Variants in INPP4B observed in about 807,000 individuals in gnomAD.
The protein encoded by INPP4B is inositol polyphosphate 4-phosphatase type II.
Under a neutral mutation model 122.5 loss-of-function variants are expected in INPP4B, and 55 were observed. That is an observed-to-expected ratio of 0.45 (90% CI 0.36 to 0.56). The LOEUF is 0.56. Among genes scored for constraint, INPP4B ranks in the 20% least tolerant of loss-of-function variants. The pLI, the probability that INPP4B is intolerant of heterozygous loss-of-function variation, is 0.00. For synonymous variants in INPP4B, 403 were observed against 388.7 expected (o/e 1.04, Z -0.43); for missense variants, 1,000 against 1,097.7 (o/e 0.91, Z 1.26).
At chr4:142,084,734 A>G (rs1578846772) in intron 24 of INPP4B, among the ~76,000 whole-genome samples, 1 of 152,308 alleles carries the variant, frequency 6.6e-6, no homozygotes, top group East Asian at 1.9e-4. Context: ...ATTTATAGGA[A>G]AACTTTTTCA....
intron 25 of INPP4B, among the ~76,000 whole-genome samples, chr4:142,048,329 C>A (rs1002583962): frequency 6.6e-6 from 1 of 152,092 alleles, no homozygotes; most frequent in Non-Finnish European, 1.5e-5. Flanking sequence ...CAGCTCAACA[C>A]TCAGCATAAT....
chr4:142,530,574 TATATACAC>T (rs1827480169), intron 2 of INPP4B, among the ~76,000 whole-genome samples: 1 of 138,344 alleles, frequency 7.2e-6, no homozygotes. Context: ...TATATATATA[TATATACAC>T]ACACACACAG....
intron 2 of INPP4B, among the ~76,000 whole-genome samples, chr4:142,702,696 C>G (rs1436319929): frequency 7.6e-6 from 1 of 131,162 alleles, no homozygotes; most frequent in Non-Finnish European, 1.5e-5. Flanking sequence ...CGCCATTGCA[C>G]TCCAGCCTGA....
chr4:142,509,727 G>A (rs1824475260), intron 2 of INPP4B, among the ~76,000 whole-genome samples: 1 of 152,196 alleles, frequency 6.6e-6, no homozygotes, highest in Non-Finnish European at 1.5e-5. Context: ...AGACTTAAAT[G>A]TAAGGCCTAA....
chr4:142,548,418 A>G (rs1290968417), intron 2 of INPP4B, among the ~76,000 whole-genome samples: 3 of 152,220 alleles, frequency 2.0e-5, no homozygotes, highest in Admixed American at 6.6e-5. Flanking sequence ...TCTGAAATAC[A>G]AATGAAAAGA....
chr4:142,292,154 A>G (rs1190889216), intron 9 of INPP4B, among the ~76,000 whole-genome samples: 1 of 152,248 alleles, frequency 6.6e-6, no homozygotes, highest in Non-Finnish European at 1.5e-5. Flanking sequence ...CTATTAAAGT[A>G]TAGGAGATCC....
At chr4:142,097,837 T>A (rs1339316375) in intron 23 of INPP4B, among the ~76,000 whole-genome samples, 2 of 152,166 alleles carry the variant, frequency 1.3e-5, no homozygotes, top group East Asian at 3.9e-4. Context: ...AGCTTTCTGC[T>A]GTTTGACTCT....
intron 7 of INPP4B, chr4:142,384,251 A>C: frequency 1.6e-6 from 1 of 634,654 alleles, no homozygotes; most frequent in Non-Finnish European, 2.8e-6. Flanking sequence ...TTAGTTAGTA[A>C]CAACTTCACT....
chr4:142,429,234 C>T lies in INPP4B; in HGVS notation c.92-17G>A. ...TCTGGATACCTATAAATAATAGGAG[C>T]AAATTCAGATTTTTAAAAAATTGAA... On this transcript the variant is annotated splice_polypyrimidine_tract_variant and intron_variant, in intron 4 of 25. Transcript: ENST00000262992. The T allele has an allele frequency of 6.8e-7, 1 of 1,468,910 alleles. No homozygotes were observed. The highest frequency in any genetic ancestry group is 9.4e-7 in the Non-Finnish European group (1 of 1,062,192). The allele number at this position is 1,468,910 out of a possible 1,614,324, so 91.0% of individuals were successfully genotyped here. A position where few individuals can be genotyped will look rare whatever the true frequency, so the allele number is the denominator to read the frequency against.
chr4:142,734,568 T>A (rs1456878904), intron 1 of INPP4B, among the ~76,000 whole-genome samples: 2 of 152,186 alleles, frequency 1.3e-5, no homozygotes, highest in Non-Finnish European at 2.9e-5. Flanking sequence ...TTTCCTTCGA[T>A]ACACTTTTCA....
rs1199954110 is a variant in INPP4B at position 142,126,304 on chromosome 4, TG to T, written c.1721-1545del. Among the ~76,000 whole-genome samples, 3 of 152,210 alleles carry T rather than the reference TG, an allele frequency of 2.0e-5. No homozygotes were observed. The East Asian group carries it at 5.8e-4, about 29-fold the overall frequency. On this transcript the variant is annotated intron_variant, in intron 18 of 25. Coordinates refer to ENST00000262992, the MANE Select transcript of INPP4B (RefSeq NM_001101669.3). ...AAAGTGCAAGCATCATTGTGAGTAA[TG>T]TGAGTGGTAAATAATCAGTTAAGAC...
chr4:142,275,711 C>A (rs1748058739), intron 9 of INPP4B, among the ~76,000 whole-genome samples: 1 of 151,754 alleles, frequency 6.6e-6, no homozygotes, highest in East Asian at 1.9e-4. Context: ...ATAATGCTTT[C>A]AAATTAATAG....
At position 142,024,501 on chromosome 4, in the gene INPP4B, T is replaced by G. The variant is rs937025140; in HGVS notation, c.*4281A>C. ...GATGATCACAGTTTTTTTAGACAAG[T>G]TTCCTAAATCTGTGATAAAAGCTAA... is the stretch of plus-strand genomic sequence containing the variant. On this transcript the variant is annotated 3_prime_UTR_variant, in exon 26 of 26. Coordinates refer to ENST00000262992, the MANE Select transcript of INPP4B (RefSeq NM_001101669.3). 1 of 152,146 alleles carries G rather than the reference T, an allele frequency of 6.6e-6. No homozygotes were observed. The highest frequency in any genetic ancestry group is 1.5e-5 in the Non-Finnish European group (1 of 68,012). 9.4% of individuals were successfully genotyped at this position (152,146 alleles called of 1,614,324 possible).
intron 2 of INPP4B, among the ~76,000 whole-genome samples, chr4:142,614,463 TC>T (rs1743265287): frequency 6.6e-6 from 1 of 151,966 alleles, no homozygotes; most frequent in South Asian, 2.1e-4. Flanking sequence ...TAGGAAAAAC[TC>T]CTCTGGACAT....
At chr4:142,691,808 C>G (rs566207072) in intron 2 of INPP4B, among the ~76,000 whole-genome samples, 1 of 152,010 alleles carries the variant, frequency 6.6e-6, no homozygotes, top group African/African-American at 2.4e-5. Context: ...GCATCAAAAA[C>G]GTGGGGGGGA....
At position 142,154,209 on chromosome 4, in the gene INPP4B, T is replaced by TA. The variant is rs556335414; in HGVS notation, c.1563+6148dup. On this transcript the variant is annotated intron_variant, in intron 17 of 25. Coordinates refer to ENST00000262992, the MANE Select transcript of INPP4B (RefSeq NM_001101669.3). ...AACCCTATTATGTGTGACTTAGGGA[T>TA]AAAAAAAAAAAGAAAAACCTGGGAC... is the stretch of plus-strand genomic sequence containing the variant. Among the ~76,000 whole-genome samples, 115 of 142,014 alleles carry TA rather than the reference T, an allele frequency of 8.1e-4. 1 individual carries two copies. The Middle Eastern group carries it at 0.011, about 14-fold the overall frequency. The allele number at this position is 142,014 out of a possible 152,430, so 93.2% of individuals were successfully genotyped here. A position where few individuals can be genotyped will look rare whatever the true frequency, so the allele number is the denominator to read the frequency against.
At chr4:142,397,119 C>A (rs1039562669) in intron 7 of INPP4B, among the ~76,000 whole-genome samples, 9 of 152,230 alleles carry the variant, frequency 5.9e-5, no homozygotes, top group African/African-American at 2.2e-4. Context: ...TAAATAAATC[C>A]TACTTATCAA....
intron 14 of INPP4B, among the ~76,000 whole-genome samples, chr4:142,200,976 C>T: frequency 6.6e-6 from 1 of 151,964 alleles, no homozygotes; most frequent in Admixed American, 6.6e-5. Flanking sequence ...CAAAGTCTCC[C>T]TGTCTTTGTA....
intron 2 of INPP4B, among the ~76,000 whole-genome samples, chr4:142,483,002 T>C (rs932542386): frequency 6.6e-6 from 1 of 152,050 alleles, no homozygotes; most frequent in African/African-American, 2.4e-5. Context: ...AAAAATTTCT[T>C]TAGTATGGAC....
Sources: gnomAD v4.1 joint callset for allele counts (sites outside exome capture counted in the v4.1 genomes callset) on GRCh38, gnomAD v4.1.1 for gene constraint, MANE v1.5 for transcripts, NCBI Gene and HGNC (gene_info 2026-07-23, HGNC 2026-07-21) for gene names.